The following KAZN variants were observed in gnomAD, a reference collection of about 807,000 sequenced individuals.
The protein encoded by KAZN is kazrin.
In KAZN, 40 loss-of-function variants were observed where a neutral mutation model predicts 87.4. The ratio of observed to expected loss-of-function variants is 0.46; its 90% CI spans 0.36 to 0.60. The LOEUF is 0.60. Ranked by LOEUF, KAZN falls within the 20% of genes least tolerant of loss-of-function variation. KAZN has a pLI of 0.00. For missense variants in KAZN, 898 were observed against 1,073.9 expected, an observed-to-expected ratio of 0.84 and a Z score of 2.29; for synonymous variants, 466 against 458.3, an observed-to-expected ratio of 1.02 and a Z score of -0.22.
At chr1:13,991,635 AC>A (rs1639287492) in intron 1 of KAZN, among the ~76,000 whole-genome samples, 1 of 152,096 alleles carries the variant, frequency 6.6e-6, no homozygotes, top group Non-Finnish European at 1.5e-5. Flanking sequence ...ATTTATAAAA[AC>A]CATTATGTTT....
At chr1:14,832,642 A>T (rs946434165) in intron 1 of KAZN, among the ~76,000 whole-genome samples, 6 of 152,330 alleles carry the variant, frequency 3.9e-5, no homozygotes, top group Middle Eastern at 3.4e-3. Flanking sequence ...ACAATGCCCT[A>T]AAAAAGTTTA....
intron 1 of KAZN, among the ~76,000 whole-genome samples, chr1:14,932,388 G>A (rs1400211591): frequency 6.6e-6 from 1 of 152,194 alleles, no homozygotes; most frequent in African/African-American, 2.4e-5. Flanking sequence ...GAGCCACGTG[G>A]GGGAGTTTCT....
At chr1:14,847,147 G>A (rs767318651) in intron 1 of KAZN, among the ~76,000 whole-genome samples, 5 of 152,154 alleles carry the variant, frequency 3.3e-5, no homozygotes, top group Non-Finnish European at 5.9e-5. Flanking sequence ...TAAAAGATAT[G>A]CCGGCAATCT....
chr1:13,993,977 C>T (rs1354964207), intron 1 of KAZN, among the ~76,000 whole-genome samples: 1 of 152,154 alleles, frequency 6.6e-6, no homozygotes, highest in Non-Finnish European at 1.5e-5. Flanking sequence ...TTTTGTGGTG[C>T]AAACATTTAA....
At chr1:14,193,121 T>G (rs574191669) in intron 2 of KAZN, among the ~76,000 whole-genome samples, 53 of 152,292 alleles carry the variant, frequency 3.5e-4, no homozygotes, top group Admixed American at 2.0e-3. Flanking sequence ...GTACTTCTCC[T>G]TCCTGCCGCC....
Position 14,439,958 on chromosome 1 carries a change from C to A in KAZN, c.250-159025C>A, listed in dbSNP as rs138585828. ...GCTTGCCTTTTCAGTTCATCCCAAC[C>A]ACGTCCCACCCCCATCTACTCCCAA... On this transcript the variant is annotated intron_variant, in intron 2 of 16. Transcript: ENST00000636203. 6.8e-3 allele frequency among the ~76,000 whole-genome samples: 1,028 copies of A among 152,248 alleles called. 9 individuals carry two copies. Among genetic ancestry groups the A allele is most frequent in the Non-Finnish European group, 0.011 (741 of 68,024 alleles).
chr1:14,115,658 G>A (rs1281688274), intron 1 of KAZN, among the ~76,000 whole-genome samples: 2 of 152,184 alleles, frequency 1.3e-5, no homozygotes, highest in East Asian at 1.9e-4. Flanking sequence ...CCAATGGAGT[G>A]GGATGCCACT....
chr1:14,173,823 C>A (rs190660348), intron 1 of KAZN, among the ~76,000 whole-genome samples: 1 of 152,108 alleles, frequency 6.6e-6, no homozygotes. Flanking sequence ...AGGCCTGGAC[C>A]ACGTGCCCAC....
chr1:14,163,032 T>C (rs1025889418), intron 1 of KAZN, among the ~76,000 whole-genome samples: 6 of 152,070 alleles, frequency 3.9e-5, no homozygotes, highest in Non-Finnish European at 5.9e-5. Context: ...TTATTATTAG[T>C]AGCAAGAAGA....
rs114258501 is a variant in KAZN, at chr1:14,805,488, G to A, written c.227-155196G>A. Among the ~76,000 whole-genome samples the A allele has an allele frequency of 1.8e-3, 275 of 152,302 alleles. 1 individual carries two copies. Among genetic ancestry groups the A allele is most frequent in the African/African-American group, 5.9e-3 (246 of 41,566 alleles). Reference sequence around the variant, plus strand: ...TATCTGGGTTACTAGGCCGGGTGCGGTGTCTCACACCTATATTCCCAGCAC... The same window carrying A: ...TATCTGGGTTACTAGGCCGGGTGCGATGTCTCACACCTATATTCCCAGCAC... On this transcript the variant is annotated intron_variant, in intron 1 of 14. Transcript: ENST00000376030.
chr1:14,591,107 C>T (rs1176862050), intron 2 of KAZN, among the ~76,000 whole-genome samples: 1 of 152,042 alleles, frequency 6.6e-6, no homozygotes, highest in Non-Finnish European at 1.5e-5. Flanking sequence ...TTGACCCTAT[C>T]CTCTTTAGCT....
intron 1 of KAZN, among the ~76,000 whole-genome samples, chr1:14,633,824 AG>A (rs1414543806): frequency 2.0e-5 from 3 of 152,122 alleles, no homozygotes; most frequent in Non-Finnish European, 4.4e-5. Flanking sequence ...TGGTTAAGAG[AG>A]AGCCTGGCTC....
intron 1 of KAZN, among the ~76,000 whole-genome samples, chr1:14,033,690 G>C (rs1010612387): frequency 2.0e-5 from 3 of 152,214 alleles, no homozygotes; most frequent in African/African-American, 7.2e-5. Flanking sequence ...AACCTTTGGA[G>C]CCACACAAGG....
intron 1 of KAZN, among the ~76,000 whole-genome samples, chr1:14,944,579 G>A (rs1299454261): frequency 2.6e-5 from 4 of 152,226 alleles, no homozygotes; most frequent in Non-Finnish European, 5.9e-5. Flanking sequence ...TGGTGTCTGT[G>A]CATGGGAGAT....
At chr1:14,835,370 T>C (rs1480551294) in intron 1 of KAZN, among the ~76,000 whole-genome samples, 4 of 152,172 alleles carry the variant, frequency 2.6e-5, no homozygotes, top group Admixed American at 2.6e-4. Context: ...AGAGATGGGC[T>C]ACAGCTCCAG....
intron 1 of KAZN, among the ~76,000 whole-genome samples, chr1:14,031,698 G>T (rs941982598): frequency 9.2e-5 from 14 of 152,128 alleles, no homozygotes; most frequent in African/African-American, 3.4e-4. Context: ...TTGATATTTT[G>T]ACCAATTCTT....
chr1:14,605,505 C>G (rs1677290720), intron 1 of KAZN, among the ~76,000 whole-genome samples: 1 of 152,128 alleles, frequency 6.6e-6, no homozygotes, highest in Non-Finnish European at 1.5e-5. Context: ...AAGCAGTTGA[C>G]TTATACATAC....
intron 4 of KAZN, among the ~76,000 whole-genome samples, chr1:15,046,612 G>A (rs115132999): frequency 0.019 from 2,956 of 152,340 alleles, 48 homozygotes; most frequent in Non-Finnish European, 0.029. Context: ...ATTCCTGGAC[G>A]TGGTAAAACC....
chr1:15,060,333 C>A (rs1638682335), intron 6 of KAZN, 31 bp downstream of exon 6: 2 of 1,613,248 alleles, frequency 1.2e-6, no homozygotes, highest in Non-Finnish European at 1.7e-6. Flanking sequence ...GCCTGGGCCC[C>A]TGGGCCCTGC....
Sources: gnomAD v4.1 joint callset for allele counts (sites outside exome capture counted in the v4.1 genomes callset) on GRCh38, gnomAD v4.1.1 for gene constraint, MANE v1.5 for transcripts, NCBI Gene and HGNC (gene_info 2026-07-23, HGNC 2026-07-21) for gene names.